WNK3: variants seen among roughly 807,000 people sequenced by gnomAD.
WNK3 encodes serine/threonine-protein kinase WNK3.
WNK3 carries 18 observed loss-of-function variants against 116.7 expected under a neutral mutation model. That is an observed-to-expected ratio of 0.15 (90% CI 0.11 to 0.23). WNK3 has a LOEUF of 0.23. WNK3 is among the 10% of genes least tolerant of loss of function. The pLI is 1.00. For missense variants in WNK3, 993 were observed against 1,323.8 expected, an observed-to-expected ratio of 0.75 and a Z score of 3.88; for synonymous variants, 404 against 469.4, an observed-to-expected ratio of 0.86 and a Z score of 1.80.
At chrX:54,239,174 T>G in intron 17 of WNK3, 75 bp from the exon 18 acceptor site, 2 of 700,857 alleles carry the variant, frequency 2.9e-6, no homozygotes, top group Non-Finnish European at 3.8e-6. Context: ...AAAACCAAAG[T>G]GGTAATAATT....
intron 21 of WNK3, among the ~76,000 whole-genome samples, chrX:54,230,713 T>C (rs1281328966): frequency 8.9e-6 from 1 of 112,702 alleles, no homozygotes; most frequent in Non-Finnish European, 1.9e-5. Context: ...AAAAGCTGTA[T>C]GTGACTATTT....
At chrX:54,229,557 A>C (rs782793818) in intron 21 of WNK3, among the ~76,000 whole-genome samples, 2 of 110,377 alleles carry the variant, frequency 1.8e-5, no homozygotes, top group Admixed American at 9.8e-5. Flanking sequence ...TAGCTAAAAC[A>C]GTTTTGAAAA....
intron 10 of WNK3, among the ~76,000 whole-genome samples, chrX:54,279,046 C>T (rs1186413254): frequency 1.8e-5 from 2 of 108,957 alleles, no homozygotes; most frequent in African/African-American, 3.3e-5. Flanking sequence ...CTAGCCTGGG[C>T]GACAAGAGCG....
chrX:54,207,859 G>A lies in WNK3; in HGVS notation c.4871-5666C>T, dbSNP rs7066385. Among the ~76,000 whole-genome samples the A allele has an allele frequency of 4.9e-3, 541 of 110,568 alleles. 2 individuals carry two copies. The highest frequency in any genetic ancestry group is 0.016 in the African/African-American group (503 of 30,511). On this transcript the variant is annotated intron_variant, in intron 22 of 23. Transcript: ENST00000354646. ...GACCAACTCAAATCCTATCTTCTGC[G>A]TGAAGCATTCTCAGACCACTATCAT...
At chrX:54,295,804 C>T (rs2068692333) in intron 7 of WNK3, among the ~76,000 whole-genome samples, 1 of 111,555 alleles carries the variant, frequency 9.0e-6, no homozygotes, top group African/African-American at 3.3e-5. Context: ...CCTCCCACCT[C>T]AGCCTCCCGA....
rs1213406646 is a variant in WNK3, at chrX:54,312,572, G to A, written c.538-1281C>T. Reference sequence around the variant, plus strand: ...CCTGCCTCAGCCTCTTGAGTAGCTGGGATTACAGGTGCCCACCACCACGCC... The same window carrying A: ...CCTGCCTCAGCCTCTTGAGTAGCTGAGATTACAGGTGCCCACCACCACGCC... On this transcript the variant is annotated intron_variant, in intron 2 of 23. Coordinates refer to ENST00000354646, the Ensembl canonical transcript of WNK3. Among the ~76,000 whole-genome samples, 3 of 109,512 alleles carry A rather than the reference G, an allele frequency of 2.7e-5. No homozygotes were observed. The South Asian group carries it at 1.2e-3, about 44-fold the overall frequency.
At chrX:54,237,518 T>A (rs782010947) in exon 20 of WNK3, 1 of 1,172,486 alleles carries the variant, frequency 8.5e-7, no homozygotes, top group Non-Finnish European at 1.1e-6. Flanking sequence ...AAAGATGTCA[T>A]TTTTGCTGAC....
intron 10 of WNK3, among the ~76,000 whole-genome samples, chrX:54,283,251 C>A (rs1280721765): frequency 9.0e-6 from 1 of 110,522 alleles, no homozygotes; most frequent in Non-Finnish European, 1.9e-5. Context: ...CAAAACCAGC[C>A]AGGGCTATAT....
At chrX:54,224,693 C>T (rs1451542432) in intron 22 of WNK3, among the ~76,000 whole-genome samples, 1 of 109,149 alleles carries the variant, frequency 9.2e-6, no homozygotes, top group African/African-American at 3.3e-5. Context: ...CCTCAGCCTC[C>T]CGAGTAGCTG....
In WNK3 at chrX:54,351,991, C is replaced by A. The variant is rs782411445; in HGVS notation, c.-120+5695G>T. ...GGAAGAAACTTTGCAAATCACATAT[C>A]TGATTAGGGTCTAGTATCTAGACTG... On this transcript the variant is annotated intron_variant, in intron 1 of 23. Coordinates refer to ENST00000354646, the Ensembl canonical transcript of WNK3. Among the ~76,000 whole-genome samples the A allele has an allele frequency of 8.0e-5, 9 of 111,957 alleles. No individual in the cohort carries two copies. The South Asian group carries it at 3.3e-3, about 41-fold the overall frequency.
intron 2 of WNK3, among the ~76,000 whole-genome samples, chrX:54,326,063 T>C (rs1339491928): frequency 9.0e-6 from 1 of 110,624 alleles, no homozygotes; most frequent in African/African-American, 3.3e-5. Context: ...TAGGTCAAAG[T>C]CTTTCCATTA....
At chrX:54,245,522 C>T (rs1293481086) in intron 17 of WNK3, among the ~76,000 whole-genome samples, 5 of 108,879 alleles carry the variant, frequency 4.6e-5, no homozygotes, top group Non-Finnish European at 7.7e-5. Flanking sequence ...CATACATATA[C>T]ACACACACAC....
At chrX:54,248,308 C>G (rs1480330030) in intron 17 of WNK3, among the ~76,000 whole-genome samples, 2 of 110,707 alleles carry the variant, frequency 1.8e-5, no homozygotes, top group East Asian at 5.6e-4. Context: ...ATTAAATCCC[C>G]CCAAACATGA....
rs376230511 is a variant in WNK3, at chrX:54,341,396, C to CA, written c.-119-7605dup. 2.9e-3 allele frequency among the ~76,000 whole-genome samples: 277 copies of CA among 96,373 alleles called. 1 individual carries two copies. The highest frequency in any genetic ancestry group is 8.1e-3 in the African/African-American group (216 of 26,544). The allele number at this position is 96,373 out of a possible 115,157, so 83.7% of individuals were successfully genotyped here. On this transcript the variant is annotated intron_variant, in intron 1 of 23. Transcript: ENST00000354646. Reference sequence around the variant, plus strand: ...TGGGCGAAAGAGTGAAGCTCCATCTCAAAAAAAAAAAAGAATATTACTGGG... The same window carrying CA: ...TGGGCGAAAGAGTGAAGCTCCATCTCAAAAAAAAAAAAAGAATATTACTGGG...
chrX:54,268,080 GCACACACACACACACACACACA>G (rs57010526), intron 10 of WNK3, among the ~76,000 whole-genome samples: 1 of 80,790 alleles, frequency 1.2e-5, no homozygotes, highest in Non-Finnish European at 2.4e-5. Context: ...CTGAATGCGT[GCACACACACACACACACACACA>G]CACACACACA....
exon 12 of WNK3, chrX:54,255,859 C>G: frequency 2.5e-6 from 3 of 1,202,863 alleles, no homozygotes; most frequent in Non-Finnish European, 3.4e-6. Flanking sequence ...CTGACGTTTT[C>G]CTTCGTAGTT....
chrX:54,286,218 TG>T (rs373524416), intron 10 of WNK3, among the ~76,000 whole-genome samples: 82 of 103,064 alleles, frequency 8.0e-4, no homozygotes, highest in African/African-American at 2.3e-3. Context: ...AAAAAAAAGG[TG>T]GGGGGGGAGA....
At chrX:54,299,090 A>G (rs977730219) in intron 6 of WNK3, among the ~76,000 whole-genome samples, 42 of 112,103 alleles carry the variant, frequency 3.7e-4, no homozygotes, top group Admixed American at 9.6e-5. Context: ...CATAGCTTCA[A>G]AAGATTTGTT....
intron 2 of WNK3, among the ~76,000 whole-genome samples, chrX:54,312,449 T>C: frequency 8.9e-6 from 1 of 111,747 alleles, no homozygotes; most frequent in Non-Finnish European, 1.9e-5. Flanking sequence ...CTCATTCCTT[T>C]TTTTTCTAGA....
Sources: gnomAD v4.1 joint callset for allele counts (sites outside exome capture counted in the v4.1 genomes callset) on GRCh38, gnomAD v4.1.1 for gene constraint, MANE v1.5 for transcripts, NCBI Gene and HGNC (gene_info 2026-07-23, HGNC 2026-07-21) for gene names.